The following CSMD1 variants were observed in gnomAD, a reference collection of about 807,000 sequenced individuals.
The protein encoded by CSMD1 is CUB and sushi domain-containing protein 1.
A neutral mutation model predicts 417.5 loss-of-function variants in CSMD1; 213 were observed. The observed-to-expected ratio is 0.51, with a 90% CI of 0.46 to 0.57. CSMD1 has a LOEUF of 0.57. Ranked by LOEUF, CSMD1 falls within the 20% of genes least tolerant of loss-of-function variation. The probability of loss-of-function intolerance (pLI) is 0.00; values close to 1 mark genes in which losing one functional copy is unlikely to be tolerated. For synonymous variants in CSMD1, 2,862 were observed against 1,736.8 expected, an observed-to-expected ratio of 1.65 and a Z score of -16.11; for missense variants, 6,923 against 4,529.7, an observed-to-expected ratio of 1.53 and a Z score of -15.17.
chr8:4,936,269 A>C (rs1807613480), intron 1 of CSMD1, among the ~76,000 whole-genome samples: 1 of 152,218 alleles, frequency 6.6e-6, no homozygotes. Flanking sequence ...CAGATGTTTT[A>C]TCTTTGAAAT....
chr8:3,445,696 G>T (rs1462271125), intron 12 of CSMD1, among the ~76,000 whole-genome samples: 1 of 152,108 alleles, frequency 6.6e-6, no homozygotes, highest in African/African-American at 2.4e-5. Context: ...GAGGAAACAA[G>T]GCCATGTAGC....
intron 2 of CSMD1, among the ~76,000 whole-genome samples, chr8:4,522,303 C>A (rs1008710178): frequency 6.6e-6 from 1 of 152,302 alleles, no homozygotes; most frequent in Non-Finnish European, 1.5e-5. Context: ...ATTGTGAGGC[C>A]TCCCCAGCCA....
At chr8:4,184,777 T>C in intron 3 of CSMD1, among the ~76,000 whole-genome samples, 1 of 6,558 alleles carries the variant, frequency 1.5e-4, no homozygotes, top group East Asian at 0.12. Flanking sequence ...AAATAATCTG[T>C]ACCACAACCT....
chr8:2,978,881 C>CTCA, intron 54 of CSMD1, 81 bp from the exon 55 acceptor site: 1 of 1,198,550 alleles, frequency 8.3e-7, no homozygotes, highest in South Asian at 1.7e-5. Context: ...AGGCGAATTC[C>CTCA]TCATCATTTT....
intron 7 of CSMD1, among the ~76,000 whole-genome samples, chr8:3,627,471 G>C (rs529092448): frequency 6.6e-6 from 1 of 152,212 alleles, no homozygotes; most frequent in East Asian, 1.9e-4. Context: ...GTTATTTAAA[G>C]TCGTGCTATT....
chr8:3,238,256 A>C (rs1799279366), intron 26 of CSMD1, among the ~76,000 whole-genome samples: 1 of 152,070 alleles, frequency 6.6e-6, no homozygotes, highest in Non-Finnish European at 1.5e-5. Flanking sequence ...GGAATTTCAC[A>C]AGATAATGTC....
At chr8:4,805,517 C>A (rs545853980) in intron 1 of CSMD1, among the ~76,000 whole-genome samples, 60 of 152,276 alleles carry the variant, frequency 3.9e-4, no homozygotes, top group African/African-American at 1.4e-3. Flanking sequence ...TGTCACTCTG[C>A]CACACTCCCT....
In CSMD1 at chr8:3,696,449, A is replaced by T. The variant is rs372634456; in HGVS notation, c.1009+11965T>A. Among the ~76,000 whole-genome samples, 20 of 152,358 alleles carry T rather than the reference A, an allele frequency of 1.3e-4. No homozygotes were observed. In the South Asian group the frequency reaches 4.1e-3, roughly 32 times the overall value. On this transcript the variant is annotated intron_variant, in intron 7 of 69. Transcript: ENST00000635120. The stretch of plus-strand genomic sequence containing the variant: ...AAGCTACCATGGACTGCTTCTGCAC[A>T]TCTCTTCTCTGTGAATATAATGCAA...
intron 10 of CSMD1, among the ~76,000 whole-genome samples, chr8:3,501,148 G>C (rs1045738476): frequency 1.3e-5 from 2 of 151,546 alleles, no homozygotes; most frequent in Non-Finnish European, 3.0e-5. Flanking sequence ...CATTCAAATA[G>C]AGAGACCACT....
At chr8:4,353,125 C>A (rs1801194485) in intron 3 of CSMD1, among the ~76,000 whole-genome samples, 1 of 152,130 alleles carries the variant, frequency 6.6e-6, no homozygotes, top group Non-Finnish European at 1.5e-5. Flanking sequence ...TTTATGTTCT[C>A]TGATATGGTT....
chr8:3,799,703 C>G (rs1457447341), intron 5 of CSMD1, among the ~76,000 whole-genome samples: 2 of 143,058 alleles, frequency 1.4e-5, no homozygotes, highest in Non-Finnish European at 3.0e-5. Flanking sequence ...TTAAGTCTGC[C>G]AGCTGAACGT....
At chr8:4,953,227 C>T (rs988819429) in intron 1 of CSMD1, among the ~76,000 whole-genome samples, 1 of 152,098 alleles carries the variant, frequency 6.6e-6, no homozygotes, top group African/African-American at 2.4e-5. Flanking sequence ...ATGAGTTTTG[C>T]TGAAAATTTT....
intron 14 of CSMD1, among the ~76,000 whole-genome samples, chr8:3,406,439 A>G (rs779688676): frequency 5.4e-4 from 82 of 152,318 alleles, no homozygotes; most frequent in Admixed American, 5.9e-4. Flanking sequence ...AAATATAACT[A>G]TCATTTATGC....
intron 5 of CSMD1, among the ~76,000 whole-genome samples, chr8:3,879,394 T>G (rs1806054693): frequency 6.6e-6 from 1 of 152,150 alleles, no homozygotes; most frequent in Non-Finnish European, 1.5e-5. Context: ...TCATACACTG[T>G]AGCACAAGCC....
intron 6 of CSMD1, among the ~76,000 whole-genome samples, chr8:3,725,738 G>C (rs1026236056): frequency 6.6e-6 from 1 of 152,154 alleles, no homozygotes; most frequent in Non-Finnish European, 1.5e-5. Context: ...ACCAACTGCT[G>C]TGTTGTTAGT....
rs76119802 is a variant in CSMD1 at position 3,467,905 on chromosome 8, A to G, written c.1561+807T>C. On this transcript the variant is annotated intron_variant, in intron 12 of 69. Coordinates refer to ENST00000635120, the MANE Select transcript of CSMD1 (RefSeq NM_033225.6). ...CTTGGGAAATAAGAACATACTGCCT[A>G]TTTACTCAAATTCAAAAAGTAGAAT... Among the ~76,000 whole-genome samples, 15 of 152,350 alleles carry G rather than the reference A, an allele frequency of 9.8e-5. No individual in the cohort carries two copies. The East Asian group carries it at 2.7e-3, about 27-fold the overall frequency.
At chr8:4,218,555 C>G (rs1230777717) in intron 3 of CSMD1, among the ~76,000 whole-genome samples, 2 of 152,132 alleles carry the variant, frequency 1.3e-5, no homozygotes, top group African/African-American at 2.4e-5. Context: ...GTTTCTGAGT[C>G]AAGTTGTCTA....
At chr8:4,554,168 G>A (rs935290617) in intron 2 of CSMD1, among the ~76,000 whole-genome samples, 1 of 152,030 alleles carries the variant, frequency 6.6e-6, no homozygotes, top group African/African-American at 2.4e-5. Context: ...GCAGAGTCTC[G>A]ATCTGTCGCC....
At chr8:3,183,930 G>C (rs1269628284) in intron 36 of CSMD1, among the ~76,000 whole-genome samples, 2 of 152,040 alleles carry the variant, frequency 1.3e-5, no homozygotes, top group Non-Finnish European at 2.9e-5. Flanking sequence ...TTGTTTTTTT[G>C]AGCCTGATCT....
Sources: gnomAD v4.1 joint callset for allele counts (sites outside exome capture counted in the v4.1 genomes callset) on GRCh38, gnomAD v4.1.1 for gene constraint, MANE v1.5 for transcripts, NCBI Gene and HGNC (gene_info 2026-07-23, HGNC 2026-07-21) for gene names.